POLG2: variants seen among roughly 807,000 people sequenced by gnomAD.
POLG2 encodes the protein DNA polymerase gamma 2, accessory subunit, also known as DNA polymerase subunit gamma-2.
In POLG2, 50 loss-of-function variants were observed where a neutral mutation model predicts 56.5. The observed-to-expected ratio is 0.88, with a 90% CI of 0.71 to 1.12. The LOEUF (loss-of-function observed/expected upper bound fraction) is 1.12. POLG2 is among the 50% of genes most tolerant of loss of function. The pLI, the probability that POLG2 is intolerant of heterozygous loss-of-function variation, is 0.00. For missense variants in POLG2, 584 were observed against 583.3 expected (o/e 1.00, Z -0.01); for synonymous variants, 226 against 222.6 (o/e 1.02, Z -0.14).
At chr17:64,482,876 C>T (rs181108585) in intron 6 of POLG2, 43 bp downstream of exon 6, 2 of 1,135,804 alleles carry the variant, frequency 1.8e-6, no homozygotes, top group East Asian at 2.3e-5. Context: ...TTGGATAATA[C>T]TCAATCTGTA....
intron 7 of POLG2, among the ~76,000 whole-genome samples, chr17:64,479,642 G>A (rs2037824463): frequency 6.6e-6 from 1 of 152,196 alleles, no homozygotes; most frequent in Non-Finnish European, 1.5e-5. Context: ...AGCATGGGGT[G>A]AGACTAGACA....
chr17:64,482,457 G>A (rs1291453008), intron 6 of POLG2, among the ~76,000 whole-genome samples: 1 of 151,952 alleles, frequency 6.6e-6, no homozygotes, highest in Non-Finnish European at 1.5e-5. Context: ...GAGTATCTGG[G>A]ACTACAGGTG....
chr17:64,493,572 C>T (rs974624294), intron 1 of POLG2, among the ~76,000 whole-genome samples: 2 of 152,080 alleles, frequency 1.3e-5, no homozygotes, highest in Non-Finnish European at 2.9e-5. Context: ...GCAACCTCCG[C>T]CTCCCGGGTT....
chr17:64,494,593 C>T (rs1163637423), intron 1 of POLG2, among the ~76,000 whole-genome samples: 3 of 152,128 alleles, frequency 2.0e-5, no homozygotes, highest in African/African-American at 4.8e-5. Context: ...CGCCCCCGAC[C>T]TCTAGGGTCA....
At chr17:64,486,851 CT>C (rs2037964843) in intron 4 of POLG2, 1 of 152,098 alleles carries the variant, frequency 6.6e-6, no homozygotes, top group African/African-American at 2.4e-5. Context: ...TGAAAACAAA[CT>C]ACACATAGTA....
In POLG2 at chr17:64,482,822, C is replaced by A; in HGVS notation, c.1191+97G>T. On this transcript the variant is annotated intron_variant, in intron 6 of 7. Transcript: ENST00000539111. ...TTTTTGGATTAGAGATGCAAATATA[C>A]CAAAAAAATCCGAGATCCAAAATGG... 3 of 747,240 alleles carry A rather than the reference C, an allele frequency of 4.0e-6. No individual in the cohort carries two copies. The South Asian group carries it at 4.4e-5, about 11-fold the overall frequency. 46.3% of individuals were successfully genotyped at this position (747,240 alleles called of 1,614,324 possible). A position where few individuals can be genotyped will look rare whatever the true frequency, so the allele number is the denominator to read the frequency against.
intron 3 of POLG2, 45 bp from the exon 4 acceptor site, chr17:64,491,014 A>T (rs1555668391): frequency 3.1e-6 from 4 of 1,310,564 alleles, no homozygotes; most frequent in Non-Finnish European, 4.4e-6. Context: ...TTAAATAAAC[A>T]CTAATTTAAC....
At chr17:64,486,222 T>C (rs1555667448) in intron 4 of POLG2, among the ~76,000 whole-genome samples, 1 of 152,208 alleles carries the variant, frequency 6.6e-6, no homozygotes, top group African/African-American at 2.4e-5. Context: ...TTTAAAACTA[T>C]GGTGCTTGGT....
At position 64,485,706 on chromosome 17, in the gene POLG2, A is replaced by G. The variant is rs781823101; in HGVS notation, c.1110+22T>C. The G allele has an allele frequency of 2.3e-5, 36 of 1,594,026 alleles. No homozygotes were observed. The South Asian group carries it at 3.6e-4, about 16-fold the overall frequency. On this transcript the variant is annotated intron_variant, in intron 5 of 7. Coordinates refer to ENST00000539111, the MANE Select transcript of POLG2 (RefSeq NM_007215.4). ...CCCATATTTTTAGTTTCCCAAGTCTATCTCTGAAATATCAACAGCACCTTT... is the reference window on the plus strand; with the variant it reads ...CCCATATTTTTAGTTTCCCAAGTCTGTCTCTGAAATATCAACAGCACCTTT...
intron 3 of POLG2, chr17:64,491,463 T>C: frequency 9.8e-7 from 1 of 1,021,696 alleles, no homozygotes; most frequent in Non-Finnish European, 1.5e-6. Flanking sequence ...TGAGCTGTGA[T>C]TGTGCAACGG....
At position 64,490,058 on chromosome 17, in the gene POLG2, G is replaced by A. The variant is rs1173416472; in HGVS notation, c.969+738C>T. Among the ~76,000 whole-genome samples the A allele has an allele frequency of 9.9e-5, 15 of 151,950 alleles. 1 individual carries two copies. Among genetic ancestry groups the A allele is most frequent in the Admixed American group, 8.5e-4 (13 of 15,260 alleles). On this transcript the variant is annotated intron_variant, in intron 4 of 7. Transcript: ENST00000539111. Reference sequence around the variant, plus strand: ...TCCTGCCTCAGCCTCCCAAGTAGCTGAGACTATAAGGGCAAGCCACCACAT... The same window carrying A: ...TCCTGCCTCAGCCTCCCAAGTAGCTAAGACTATAAGGGCAAGCCACCACAT...
intron 1 of POLG2, among the ~76,000 whole-genome samples, chr17:64,494,798 AG>A (rs2038122103): frequency 1.3e-5 from 2 of 152,176 alleles, no homozygotes; most frequent in African/African-American, 4.8e-5. Flanking sequence ...AGCACCATAA[AG>A]TGTTTCAAAC....
intron 1 of POLG2, 87 bp downstream of exon 1, chr17:64,496,320 G>C (rs1326524751): frequency 3.0e-5 from 24 of 810,944 alleles, no homozygotes; most frequent in Non-Finnish European, 4.5e-5. Flanking sequence ...TGGGAATACA[G>C]GGCCAGTTGC....
chr17:64,482,905 C>T lies in POLG2; in HGVS notation c.1191+14G>A. ...ATCTGTAATTAAAATGACATTTAAA[C>T]TCATTTAACTCACCTGTCTTAGTTC... is the stretch of plus-strand genomic sequence containing the variant. On this transcript the variant is annotated intron_variant, in intron 6 of 7. Transcript: ENST00000539111. 1 of 1,376,092 alleles carries T rather than the reference C, an allele frequency of 7.3e-7. No homozygotes were observed. The highest frequency in any genetic ancestry group is 1.0e-6 in the Non-Finnish European group (1 of 980,832). The allele number at this position is 1,376,092 out of a possible 1,614,324, so 85.2% of individuals were successfully genotyped here.
At chr17:64,489,078 T>G (rs1555668048) in intron 4 of POLG2, among the ~76,000 whole-genome samples, 1 of 149,364 alleles carries the variant, frequency 6.7e-6, no homozygotes, top group Non-Finnish European at 1.5e-5. Flanking sequence ...CAGGCTGGAG[T>G]GCAGCAGCAC....
intron 1 of POLG2, among the ~76,000 whole-genome samples, chr17:64,494,749 TA>T (rs2038121266): frequency 1.3e-5 from 2 of 152,282 alleles, no homozygotes; most frequent in South Asian, 4.1e-4. Context: ...GTGACCTTTT[TA>T]TATGACCCAT....
intron 5 of POLG2, 27 bp from the exon 6 acceptor site, chr17:64,483,026 A>G (rs1555666816): frequency 8.7e-7 from 1 of 1,149,442 alleles, no homozygotes; most frequent in Non-Finnish European, 1.3e-6. Flanking sequence ...GGGGAGGGAG[A>G]AGACAGGAAA....
At chr17:64,479,183 GTTT>G (rs781987286) in intron 7 of POLG2, among the ~76,000 whole-genome samples, 1 of 126,910 alleles carries the variant, frequency 7.9e-6, no homozygotes, top group African/African-American at 2.9e-5. Context: ...TCTGAAAGGT[GTTT>G]TTTTTTTTTT....
intron 5 of POLG2, among the ~76,000 whole-genome samples, chr17:64,484,505 G>A (rs1555667097): frequency 6.6e-6 from 1 of 152,140 alleles, no homozygotes; most frequent in Non-Finnish European, 1.5e-5. Flanking sequence ...GGAGTGTTCT[G>A]AGCAAAGGAG....
Sources: allele counts gnomAD v4.1 joint callset (sites outside exome capture counted in the v4.1 genomes callset), GRCh38; gene constraint gnomAD v4.1.1; transcripts MANE v1.5; gene names NCBI Gene and HGNC (gene_info 2026-07-23, HGNC 2026-07-21).